The following ANKRD27 variants were observed in gnomAD, a reference collection of about 807,000 sequenced individuals.
ANKRD27 encodes the protein ankyrin repeat domain 27, also known as ankyrin repeat domain-containing protein 27.
ANKRD27 carries 112 observed loss-of-function variants against 129.7 expected under a neutral mutation model. The observed-to-expected ratio is 0.86, with a 90% CI of 0.74 to 1.01. The LOEUF (loss-of-function observed/expected upper bound fraction) is 1.01. ANKRD27 is among the 50% of genes least tolerant of loss of function. The pLI is 0.00. For missense variants in ANKRD27, 1,258 were observed against 1,300.5 expected (o/e 0.97, Z 0.50); for synonymous variants, 516 against 511.2 (o/e 1.01, Z -0.13).
Position 32,613,706 on chromosome 19 carries a change from C to CTTTTTTTT in ANKRD27, c.2175+1944_2175+1951dup, listed in dbSNP as rs58394462. Among the ~76,000 whole-genome samples the CTTTTTTTT allele has an allele frequency of 7.5e-5, 10 of 132,994 alleles. 3 individuals are homozygous for CTTTTTTTT. Among genetic ancestry groups the CTTTTTTTT allele is most frequent in the African/African-American group, 1.4e-4 (5 of 35,756 alleles). 87.2% of individuals were successfully genotyped at this position (132,994 alleles called of 152,430 possible). ...GTATACTGTGATTACATTTATGTAA[C>CTTTTTTTT]TTTTTTTTTTTTTTTTTTTTGAGAC... On this transcript the variant is annotated intron_variant, in intron 22 of 28. Coordinates refer to ENST00000306065, the MANE Select transcript of ANKRD27 (RefSeq NM_032139.3).
chr19:32,666,988 C>T (rs1967771291), intron 1 of ANKRD27, among the ~76,000 whole-genome samples: 1 of 152,200 alleles, frequency 6.6e-6, no homozygotes, highest in African/African-American at 2.4e-5. Context: ...CCTCTCTGAG[C>T]CTCCATCTGG....
chr19:32,665,686 C>T (rs1418592272), intron 1 of ANKRD27, among the ~76,000 whole-genome samples: 1 of 152,020 alleles, frequency 6.6e-6, no homozygotes, highest in Non-Finnish European at 1.5e-5. Flanking sequence ...GTCTCGATCT[C>T]CTGACCTCGT....
chr19:32,640,924 A>C (rs1967188177), intron 10 of ANKRD27, among the ~76,000 whole-genome samples: 1 of 151,740 alleles, frequency 6.6e-6, no homozygotes, highest in Non-Finnish European at 1.5e-5. Context: ...TTTGAAACGG[A>C]GTCTCGCTCA....
chr19:32,653,526 G>C (rs1447669249), intron 2 of ANKRD27, among the ~76,000 whole-genome samples: 1 of 152,142 alleles, frequency 6.6e-6, no homozygotes, highest in Non-Finnish European at 1.5e-5. Flanking sequence ...CCGGATAGTT[G>C]TAAGCACAGA....
At chr19:32,604,525 T>C in intron 24 of ANKRD27, 101 bp from the exon 25 acceptor site, 1 of 1,218,804 alleles carries the variant, frequency 8.2e-7, no homozygotes, top group Non-Finnish European at 1.1e-6. Flanking sequence ...CATTGTTTTT[T>C]TTATGTCTGA....
At chr19:32,622,336 C>T in intron 18 of ANKRD27, 86 bp downstream of exon 18, 2 of 1,451,290 alleles carry the variant, frequency 1.4e-6, no homozygotes, top group South Asian at 2.4e-5. Flanking sequence ...CAATAATGCA[C>T]AATTTGTCTA....
rs1290961645 is a variant in ANKRD27, at chr19:32,640,111, A to G, written c.983+196T>C. 3.9e-5 allele frequency among the ~76,000 whole-genome samples: 6 copies of G among 152,134 alleles called. 1 individual carries two copies. Among genetic ancestry groups the G allele is most frequent in the Admixed American group, 2.0e-4 (3 of 15,272 alleles). ...TGAGTAGCTGGGACTACAGGTGCCC[A>G]CCACCATGCCCAGCTAATTTTTTTG... On this transcript the variant is annotated intron_variant, in intron 11 of 28. Coordinates refer to ENST00000306065, the MANE Select transcript of ANKRD27 (RefSeq NM_032139.3).
chr19:32,599,619 T>G (rs1971620563), intron 28 of ANKRD27, 85 bp downstream of exon 28: 1 of 1,224,288 alleles, frequency 8.2e-7, no homozygotes, highest in Non-Finnish European at 1.2e-6. Flanking sequence ...AAGATGACGA[T>G]CAAGGAGACG....
At position 32,643,320 on chromosome 19, in the gene ANKRD27, G is replaced by A; in HGVS notation, c.672C>T (p.Ile224=). ...CCTCCATGGTCCCCACGTATTTAAA[G>A]ATCAGGTTGTAAATTTCATGATGGA... is the stretch of plus-strand genomic sequence containing the variant. The part of the protein sequence containing the change: ...IYVHHEIYNL[I]FKYVGTMEAS... The change falls in exon 8 of 29, where the codon ATC becomes ATT. Residue 224 remains isoleucine (I), a synonymous_variant. Coordinates refer to ENST00000306065, the MANE Select transcript of ANKRD27 (RefSeq NM_032139.3). 6.2e-7 allele frequency: 1 copy of A among 1,613,984 alleles called. No homozygotes were observed. The highest frequency in any genetic ancestry group is 2.2e-5 in the East Asian group (1 of 44,878).
chr19:32,663,604 T>G (rs1476712406), intron 1 of ANKRD27, among the ~76,000 whole-genome samples: 2 of 152,218 alleles, frequency 1.3e-5, no homozygotes, highest in Non-Finnish European at 2.9e-5. Flanking sequence ...AGGTTGATAA[T>G]GCTACGGCTG....
intron 22 of ANKRD27, among the ~76,000 whole-genome samples, chr19:32,609,838 G>A (rs370730289): frequency 3.5e-5 from 1 of 28,296 alleles, no homozygotes; most frequent in Non-Finnish European, 1.5e-4. Flanking sequence ...AAATTATAAT[G>A]TATATAATTA....
At chr19:32,649,556 C>G in intron 3 of ANKRD27, 126 bp downstream of exon 3, 1 of 727,206 alleles carries the variant, frequency 1.4e-6, no homozygotes, top group South Asian at 1.6e-5. Context: ...CCCCACGGGG[C>G]TGCAGTGTGT....
intron 18 of ANKRD27, among the ~76,000 whole-genome samples, chr19:32,622,119 T>C (rs1972019113): frequency 6.6e-6 from 1 of 152,302 alleles, no homozygotes; most frequent in African/African-American, 2.4e-5. Context: ...CCCCAGTCCC[T>C]GCCCCTGCGG....
At chr19:32,651,307 A>G (rs1431027119) in intron 2 of ANKRD27, among the ~76,000 whole-genome samples, 1 of 151,942 alleles carries the variant, frequency 6.6e-6, no homozygotes, top group Admixed American at 6.6e-5. Context: ...AGCATGAAGG[A>G]CTCACACCAT....
intron 22 of ANKRD27, among the ~76,000 whole-genome samples, chr19:32,608,652 C>T (rs1487009126): frequency 1.3e-5 from 2 of 152,074 alleles, no homozygotes; most frequent in South Asian, 4.1e-4. Context: ...ATCAGAATGG[C>T]TAAAGTTAAA....
chr19:32,664,067 AAAAAAAAG>A (rs11272177), intron 1 of ANKRD27, among the ~76,000 whole-genome samples: 13,872 of 146,142 alleles, frequency 0.095, 2,361 homozygotes, highest in African/African-American at 0.33. Flanking sequence ...AAAAAAAAAA[AAAAAAAAG>A]AAAGAAATAG....
rs868287437 is a variant in ANKRD27, at chr19:32,619,555, T to C, written c.1828-2A>G. 1.2e-6 allele frequency: 2 copies of C among 1,613,926 alleles called. No homozygotes were observed. The highest frequency in any genetic ancestry group is 1.1e-5 in the South Asian group (1 of 91,070). ...ATAGGCTTCCATTACAGACAGAATC[T>C]AGGGGGACAAGGGGGATGCCAACAG... is the stretch of plus-strand genomic sequence containing the variant. On this transcript the variant is annotated splice_acceptor_variant, in intron 18 of 28. Coordinates refer to ENST00000306065, the MANE Select transcript of ANKRD27 (RefSeq NM_032139.3). LOFTEE classifies it high-confidence loss of function.
intron 2 of ANKRD27, among the ~76,000 whole-genome samples, chr19:32,656,137 G>GA (rs1225162411): frequency 1.3e-5 from 2 of 148,708 alleles, no homozygotes; most frequent in African/African-American, 5.0e-5. Flanking sequence ...GAAAAGAAAA[G>GA]AAAAAGAAAA....
At chr19:32,601,299 A>G (rs775189412) in intron 26 of ANKRD27, among the ~76,000 whole-genome samples, 12 of 150,362 alleles carry the variant, frequency 8.0e-5, no homozygotes, top group Admixed American at 1.3e-4. Context: ...CTCTGTCTCA[A>G]AAAAACTAAC....
Sources: allele counts gnomAD v4.1 joint callset (sites outside exome capture counted in the v4.1 genomes callset), GRCh38; gene constraint gnomAD v4.1.1; transcripts MANE v1.5; gene names NCBI Gene and HGNC (gene_info 2026-07-23, HGNC 2026-07-21).